APOOL: variants seen among roughly 807,000 people sequenced by gnomAD.
APOOL encodes MICOS complex subunit MIC27.
Under a neutral mutation model 23.1 loss-of-function variants are expected in APOOL, and 12 were observed. The observed-to-expected ratio is 0.52, with a 90% CI of 0.33 to 0.84. APOOL has a LOEUF of 0.84. Among genes scored for constraint, APOOL ranks in the 40% least tolerant of loss-of-function variants. APOOL has a pLI of 0.02. For missense variants in APOOL, 212 were observed against 199.6 expected (o/e 1.06, Z -0.37); for synonymous variants, 77 against 69.9 (o/e 1.10, Z -0.51).
intron 1 of APOOL, among the ~76,000 whole-genome samples, chrX:85,025,170 G>C (rs1921797318): frequency 9.0e-6 from 1 of 111,256 alleles, no homozygotes; most frequent in Non-Finnish European, 1.9e-5. Flanking sequence ...GAGAGAGACA[G>C]AGAGTATGTG....
chrX:85,046,630 C>T (rs1027141749), intron 2 of APOOL, 80 bp downstream of exon 2: 1 of 820,244 alleles, frequency 1.2e-6, no homozygotes, highest in African/African-American at 2.1e-5. Flanking sequence ...ATTATCTTTG[C>T]CCATCAAAAA....
intron 5 of APOOL, among the ~76,000 whole-genome samples, chrX:85,061,269 T>G (rs1219520747): frequency 9.0e-6 from 1 of 111,469 alleles, no homozygotes; most frequent in Non-Finnish European, 1.9e-5. Flanking sequence ...GATGTGCTGC[T>G]GGATTTGGTT....
chrX:85,063,169 G>A (rs1207159863), intron 5 of APOOL, among the ~76,000 whole-genome samples: 2 of 111,150 alleles, frequency 1.8e-5, no homozygotes, highest in Non-Finnish European at 3.8e-5. Flanking sequence ...CTTGCCTGTT[G>A]TTGGTGTATA....
At chrX:85,069,178 A>G (rs1019538584) in intron 6 of APOOL, among the ~76,000 whole-genome samples, 10 of 110,732 alleles carry the variant, frequency 9.0e-5, no homozygotes, top group African/African-American at 2.0e-4. Context: ...AAATTCAAAT[A>G]TATGATTTTT....
At position 85,090,193 on chromosome X, in the gene APOOL, C is replaced by T. The variant is rs186418090; in HGVS notation, c.*2515C>T. 78 of 111,162 alleles carry T rather than the reference C, an allele frequency of 7.0e-4. No individual in the cohort carries two copies. Among genetic ancestry groups the T allele is most frequent in the African/African-American group, 2.4e-3 (73 of 30,631 alleles). 9.2% of individuals were successfully genotyped at this position (111,162 alleles called of 1,213,427 possible). A position where few individuals can be genotyped will look rare whatever the true frequency, so the allele number is the denominator to read the frequency against. On this transcript the variant is annotated 3_prime_UTR_variant, in exon 9 of 9. Coordinates refer to ENST00000373173, the MANE Select transcript of APOOL (RefSeq NM_198450.6). ...AGCAGATAAAAATGTACACAAGATG[C>T]GTCTGACTCCCTTTTACCAGAAAAG...
rs1269042131 is a variant in APOOL at position 85,091,253 on chromosome X, A to C, written c.*3575A>C. ...CACAAGAACAAAACTCAGTCTCAAA[A>C]AATAAATAATAAAAAATAAAGGTAT... On this transcript the variant is annotated 3_prime_UTR_variant, in exon 9 of 9. Coordinates refer to ENST00000373173, the MANE Select transcript of APOOL (RefSeq NM_198450.6). 1 of 112,397 alleles carries C rather than the reference A, an allele frequency of 8.9e-6. No individual in the cohort carries two copies. Among genetic ancestry groups the C allele is most frequent in the Non-Finnish European group, 1.9e-5 (1 of 53,323 alleles). 9.3% of individuals were successfully genotyped at this position (112,397 alleles called of 1,213,427 possible).
chrX:85,051,054 G>A (rs765774155), intron 2 of APOOL, among the ~76,000 whole-genome samples: 2 of 110,952 alleles, frequency 1.8e-5, no homozygotes, highest in South Asian at 7.7e-4. Flanking sequence ...ATTTTACTGT[G>A]GATGGACATT....
intron 1 of APOOL, among the ~76,000 whole-genome samples, chrX:85,020,461 C>T (rs1004914319): frequency 1.8e-5 from 2 of 111,371 alleles, no homozygotes; most frequent in Non-Finnish European, 3.8e-5. Context: ...CTCAGTAAAA[C>T]ACAATGCAGG....
At chrX:85,055,784 T>A (rs760313919) in intron 4 of APOOL, 43 bp from the exon 5 acceptor site, 71 of 949,421 alleles carry the variant, frequency 7.5e-5, no homozygotes, top group Non-Finnish European at 1.0e-4. Flanking sequence ...GAATATCCAG[T>A]AGAATTCAGT....
In APOOL at chrX:85,090,291, A is replaced by G. The variant is rs891121531; in HGVS notation, c.*2613A>G. Reference sequence around the variant, plus strand: ...ACCAGTACTTGTCATATAGCCACACACTTAGCTCAAGGAAGATAGGGAATA... The same window carrying G: ...ACCAGTACTTGTCATATAGCCACACGCTTAGCTCAAGGAAGATAGGGAATA... On this transcript the variant is annotated 3_prime_UTR_variant, in exon 9 of 9. Transcript: ENST00000373173. 8.9e-6 allele frequency: 1 copy of G among 111,975 alleles called. No homozygotes were observed. The highest frequency in any genetic ancestry group is 3.2e-5 in the African/African-American group (1 of 30,800). 9.2% of individuals were successfully genotyped at this position (111,975 alleles called of 1,213,427 possible).
At chrX:85,076,197 T>C (rs1923829703) in intron 8 of APOOL, among the ~76,000 whole-genome samples, 1 of 111,363 alleles carries the variant, frequency 9.0e-6, no homozygotes. Flanking sequence ...ATGGGGGAGA[T>C]AGGGTCTCAA....
intron 3 of APOOL, among the ~76,000 whole-genome samples, chrX:85,052,945 C>A (rs1922831741): frequency 9.0e-6 from 1 of 111,714 alleles, no homozygotes; most frequent in African/African-American, 3.2e-5. Flanking sequence ...TGTTTTATTC[C>A]ATTAATATGC....
intron 5 of APOOL, among the ~76,000 whole-genome samples, chrX:85,060,847 C>T (rs1276668544): frequency 1.8e-5 from 2 of 111,480 alleles, no homozygotes; most frequent in African/African-American, 6.5e-5. Context: ...TTGACTTCCT[C>T]TTTTCCTAAT....
chrX:85,061,569 G>T (rs1201120375), intron 5 of APOOL, among the ~76,000 whole-genome samples: 1 of 111,739 alleles, frequency 8.9e-6, no homozygotes, highest in Non-Finnish European at 1.9e-5. Context: ...GCCTATTATT[G>T]GTCTATTCAG....
intron 5 of APOOL, among the ~76,000 whole-genome samples, chrX:85,063,938 T>C (rs1170776584): frequency 9.0e-6 from 1 of 111,407 alleles, no homozygotes; most frequent in Non-Finnish European, 1.9e-5. Context: ...TGGAGTAGTT[T>C]CAGAAGAAAT....
At chrX:85,049,401 C>A (rs772985629) in intron 2 of APOOL, among the ~76,000 whole-genome samples, 1 of 111,303 alleles carries the variant, frequency 9.0e-6, no homozygotes, top group Admixed American at 9.6e-5. Flanking sequence ...CCATTCTGAC[C>A]CCTTTGAGAG....
At chrX:85,054,501 C>T in intron 4 of APOOL, 103 bp downstream of exon 4, 1 of 661,754 alleles carries the variant, frequency 1.5e-6, no homozygotes, top group Non-Finnish European at 2.2e-6. Context: ...CATGCATTTA[C>T]CAACTCAGAA....
intron 1 of APOOL, among the ~76,000 whole-genome samples, chrX:85,014,376 C>CT (rs902152692): frequency 1.6e-3 from 175 of 110,286 alleles, no homozygotes; most frequent in Non-Finnish European, 2.7e-3. Flanking sequence ...GCCTGAATAC[C>CT]TTTTTTTTAA....
Position 85,092,341 on chromosome X carries a change from ACAGT to A in APOOL, c.*4666_*4669del, listed in dbSNP as rs1168580942. The stretch of plus-strand genomic sequence containing the variant: ...GTCAAACTGCTGTTAGACTCAGGTG[ACAGT>A]CAAATGTTGGAGGCTGTGTTGGGAT... On this transcript the variant is annotated 3_prime_UTR_variant, in exon 9 of 9. Transcript: ENST00000373173. 1 of 1,123,481 alleles carries A rather than the reference ACAGT, an allele frequency of 8.9e-7. No homozygotes were observed. 92.6% of individuals were successfully genotyped at this position (1,123,481 alleles called of 1,213,427 possible). A position where few individuals can be genotyped will look rare whatever the true frequency, so the allele number is the denominator to read the frequency against.
Sources: allele counts gnomAD v4.1 joint callset (sites outside exome capture counted in the v4.1 genomes callset), GRCh38; gene constraint gnomAD v4.1.1; transcripts MANE v1.5; gene names NCBI Gene and HGNC (gene_info 2026-07-23, HGNC 2026-07-21).